CPXM2: variants seen among roughly 807,000 people sequenced by gnomAD.
The protein encoded by CPXM2 is carboxypeptidase X, M14 family member 2.
Under a neutral mutation model 86.1 loss-of-function variants are expected in CPXM2, and 66 were observed. The ratio of observed to expected loss-of-function variants is 0.77; its 90% confidence interval spans 0.63 to 0.94. The LOEUF (loss-of-function observed/expected upper bound fraction) is 0.94, where lower values mean the gene tolerates loss of function less well. Ranked by LOEUF, CPXM2 falls within the 40% of genes least tolerant of loss-of-function variation. CPXM2 has a pLI of 0.00. For synonymous variants in CPXM2, 388 were observed against 400.2 expected, an observed-to-expected ratio of 0.97 and a Z score of 0.36; for missense variants, 948 against 1,026.3, an observed-to-expected ratio of 0.92 and a Z score of 1.04.
chr10:123,827,161 GACA>G (rs1179407842), intron 4 of CPXM2, among the ~76,000 whole-genome samples: 1 of 152,094 alleles, frequency 6.6e-6, no homozygotes, highest in Non-Finnish European at 1.5e-5. Flanking sequence ...AGAAAGTAGA[GACA>G]ACATTATCTG....
In CPXM2 at chr10:123,776,416, A is replaced by G. The variant is rs984277754; in HGVS notation, c.978+3751T>C. ...CCCAGGCTCTGCTGCTTCACTCTCT[A>G]CTGAAGGATATAGAATCTAGAGCCT... On this transcript the variant is annotated intron_variant, in intron 7 of 13. Coordinates refer to ENST00000241305, the MANE Select transcript of CPXM2 (RefSeq NM_198148.3). Among the ~76,000 whole-genome samples the G allele has an allele frequency of 2.6e-5, 4 of 152,192 alleles. 1 individual carries two copies. The highest frequency in any genetic ancestry group is 5.9e-5 in the Non-Finnish European group (4 of 68,044).
At chr10:123,875,376 T>G (rs1018782192) in intron 2 of CPXM2, among the ~76,000 whole-genome samples, 1 of 152,202 alleles carries the variant, frequency 6.6e-6, no homozygotes, top group Non-Finnish European at 1.5e-5. Flanking sequence ...GTCCCAGTTC[T>G]GGCCCCTCAC....
intron 2 of CPXM2, among the ~76,000 whole-genome samples, chr10:123,923,303 G>A (rs550808299): frequency 3.9e-4 from 60 of 152,038 alleles, no homozygotes; most frequent in African/African-American, 1.2e-3. Flanking sequence ...CATTCTTGCC[G>A]GGCGCGGTGG....
At chr10:123,927,879 G>A (rs1358019668) in intron 2 of CPXM2, among the ~76,000 whole-genome samples, 1 of 152,136 alleles carries the variant, frequency 6.6e-6, no homozygotes, top group Admixed American at 6.5e-5. Context: ...CTCCCTTTCG[G>A]GAATTTTCTC....
At chr10:123,786,145 T>C (rs1847048872) in intron 6 of CPXM2, among the ~76,000 whole-genome samples, 1 of 152,198 alleles carries the variant, frequency 6.6e-6, no homozygotes, top group Admixed American at 6.5e-5. Flanking sequence ...GTAGCTTTAA[T>C]CTTGAAGCAA....
chr10:123,835,365 T>G (rs1281944258), intron 4 of CPXM2, among the ~76,000 whole-genome samples: 1 of 152,158 alleles, frequency 6.6e-6, no homozygotes, highest in Non-Finnish European at 1.5e-5. Context: ...GCTCATGCCT[T>G]CATCATCAAC....
chr10:123,749,723 C>G (rs984926928), intron 13 of CPXM2, among the ~76,000 whole-genome samples: 3 of 152,250 alleles, frequency 2.0e-5, no homozygotes, highest in African/African-American at 7.2e-5. Flanking sequence ...CTGTTCCCAA[C>G]TCCTGTGCCA....
At position 123,797,968 on chromosome 10, in the gene CPXM2, G is replaced by A. The variant is rs370540883; in HGVS notation, c.889+8C>T. The stretch of plus-strand genomic sequence containing the variant: ...CACCCTGCAGGAAGCACAGGAGGGT[G>A]AACTCACCTGGCAGTGGGCAGCCCA... On this transcript the variant is annotated splice_region_variant and intron_variant, in intron 6 of 13. Transcript: ENST00000241305. 3.2e-5 allele frequency: 51 copies of A among 1,592,092 alleles called. No homozygotes were observed. In the African/African-American group the frequency reaches 5.4e-4, roughly 17 times the overall value.
At chr10:123,854,376 TATATATATA>T (rs1848667625) in intron 3 of CPXM2, among the ~76,000 whole-genome samples, 6 of 118,366 alleles carry the variant, frequency 5.1e-5, no homozygotes, top group Admixed American at 2.0e-4. Flanking sequence ...ATATATATAA[TATATATATA>T]ATATATATAT....
intron 4 of CPXM2, among the ~76,000 whole-genome samples, chr10:123,834,277 C>T (rs527701344): frequency 1.3e-5 from 2 of 152,334 alleles, no homozygotes; most frequent in African/African-American, 4.8e-5. Context: ...TCTGGCTTGT[C>T]TCCAGAGGAG....
chr10:123,863,835 C>T (rs1358049350), intron 2 of CPXM2, among the ~76,000 whole-genome samples: 3 of 152,202 alleles, frequency 2.0e-5, no homozygotes, highest in Admixed American at 2.0e-4. Flanking sequence ...GGAGCCTGGG[C>T]CCGTGCCCTT....
intron 9 of CPXM2, among the ~76,000 whole-genome samples, chr10:123,767,853 T>G (rs1487218180): frequency 6.6e-6 from 1 of 152,170 alleles, no homozygotes; most frequent in East Asian, 1.9e-4. Context: ...CTCAGAAGAC[T>G]GATGAGAAGA....
At chr10:123,825,798 C>T (rs1414997342) in intron 4 of CPXM2, among the ~76,000 whole-genome samples, 2 of 152,026 alleles carry the variant, frequency 1.3e-5, no homozygotes, top group Non-Finnish European at 2.9e-5. Flanking sequence ...GATCTGGTTC[C>T]CAGTTGCTTG....
chr10:123,900,070 C>G (rs919139460), intron 2 of CPXM2, among the ~76,000 whole-genome samples: 14 of 152,178 alleles, frequency 9.2e-5, no homozygotes, highest in African/African-American at 3.4e-4. Flanking sequence ...GAGACGGAGT[C>G]TCGCCCTGTC....
At chr10:123,907,087 A>G (rs964371832) in intron 2 of CPXM2, among the ~76,000 whole-genome samples, 5 of 152,210 alleles carry the variant, frequency 3.3e-5, no homozygotes, top group Admixed American at 2.0e-4. Flanking sequence ...CGGTGTGTGC[A>G]TGTGTGTTCT....
chr10:123,759,160 C>G (rs1202682551), intron 11 of CPXM2, among the ~76,000 whole-genome samples: 1 of 152,140 alleles, frequency 6.6e-6, no homozygotes, highest in East Asian at 1.9e-4. Context: ...CACATGGGCC[C>G]CGGTCTCATT....
intron 6 of CPXM2, among the ~76,000 whole-genome samples, chr10:123,793,001 T>C (rs953823329): frequency 2.0e-5 from 3 of 152,202 alleles, no homozygotes; most frequent in African/African-American, 7.2e-5. Flanking sequence ...CCCTTAGGAC[T>C]GTGAGGAACA....
chr10:123,889,490 G>A (rs901578873), intron 1 of CPXM2, among the ~76,000 whole-genome samples: 3 of 152,142 alleles, frequency 2.0e-5, no homozygotes, highest in Admixed American at 2.0e-4. Flanking sequence ...GGGCAGGGAA[G>A]AGGAACGTCT....
At chr10:123,933,931 C>T (rs1945691360) in intron 2 of CPXM2, among the ~76,000 whole-genome samples, 1 of 152,078 alleles carries the variant, frequency 6.6e-6, no homozygotes, top group Non-Finnish European at 1.5e-5. Flanking sequence ...CCCAACTCCC[C>T]TCATCTCTTG....
Sources: gnomAD v4.1 joint callset for allele counts (sites outside exome capture counted in the v4.1 genomes callset) on GRCh38, gnomAD v4.1.1 for gene constraint, MANE v1.5 for transcripts, NCBI Gene and HGNC (gene_info 2026-07-23, HGNC 2026-07-21) for gene names.